Variants in RGS7 observed in about 807,000 individuals in gnomAD.
The protein encoded by RGS7 is regulator of G-protein signaling 7.
RGS7 carries 27 observed loss-of-function variants against 81.1 expected under a neutral mutation model. The ratio of observed to expected loss-of-function variants is 0.33; its 90% confidence interval spans 0.25 to 0.46. The LOEUF (loss-of-function observed/expected upper bound fraction) is 0.46. Ranked by LOEUF, RGS7 falls within the 20% of genes least tolerant of loss-of-function variation. The pLI, the probability that RGS7 is intolerant of heterozygous loss-of-function variation, is 1.00. For synonymous variants in RGS7, 208 were observed against 207.7 expected, an observed-to-expected ratio of 1.00 and a Z score of -0.01; for missense variants, 396 against 607.4, an observed-to-expected ratio of 0.65 and a Z score of 3.66.
chr1:241,235,713 T>C (rs533663408), intron 2 of RGS7, among the ~76,000 whole-genome samples: 153 of 151,580 alleles, frequency 1.0e-3, no homozygotes, highest in South Asian at 8.0e-3. Flanking sequence ...TCCTTCTCTC[T>C]CTCCCTTCCT....
At chr1:240,938,001 C>T (rs1254390254) in intron 4 of RGS7, among the ~76,000 whole-genome samples, 1 of 152,198 alleles carries the variant, frequency 6.6e-6, no homozygotes, top group Non-Finnish European at 1.5e-5. Flanking sequence ...ATAGTTATTA[C>T]TGCGTTTGTG....
At chr1:240,962,292 C>T (rs1445453785) in intron 4 of RGS7, among the ~76,000 whole-genome samples, 1 of 152,176 alleles carries the variant, frequency 6.6e-6, no homozygotes, top group Non-Finnish European at 1.5e-5. Context: ...GCTCTGTCTA[C>T]TCTGCTATCT....
At chr1:240,865,942 C>T (rs942504399) in intron 9 of RGS7, among the ~76,000 whole-genome samples, 1 of 152,168 alleles carries the variant, frequency 6.6e-6, no homozygotes, top group Non-Finnish European at 1.5e-5. Context: ...TCATCTTTGT[C>T]TATTAACTCA....
intron 2 of RGS7, among the ~76,000 whole-genome samples, chr1:241,341,570 GAAAGGAAGTAA>G (rs534917781): frequency 6.6e-6 from 1 of 151,796 alleles, no homozygotes; most frequent in East Asian, 1.9e-4. Context: ...AAGGAAGGAA[GAAAGGAAGTAA>G]AAAGGAAGGA....
intron 2 of RGS7, among the ~76,000 whole-genome samples, chr1:241,234,775 T>TCAGTACCTGGTGCTGTGCCAAACACATA (rs1371532258): frequency 6.6e-6 from 1 of 152,186 alleles, no homozygotes; most frequent in African/African-American, 2.4e-5. Context: ...TATTGCATCT[T>TCAGTACCTGGTGCTGTGCCAAACACATA]CAGTACCTGG....
chr1:240,780,257 G>C (rs528031896), intron 18 of RGS7, among the ~76,000 whole-genome samples: 1 of 152,012 alleles, frequency 6.6e-6, no homozygotes, highest in South Asian at 2.1e-4. Context: ...GACCAGCCTG[G>C]CCAACATGGT....
At position 241,098,769 on chromosome 1, in the gene RGS7, A is replaced by G. The variant is rs1388287336; in HGVS notation, c.79-7T>C. On this transcript the variant is annotated splice_region_variant and splice_polypyrimidine_tract_variant and intron_variant, in intron 2 of 18. Coordinates refer to ENST00000440928, the MANE Select transcript of RGS7 (RefSeq NM_001364886.1). ...GTGCTATGACGTCTTCCATCTAAAC[A>G]ATAATAACATAATTAAAACCTTTAT... 6.3e-7 allele frequency: 1 copy of G among 1,590,274 alleles called. No individual in the cohort carries two copies. The highest frequency in any genetic ancestry group is 2.2e-5 in the East Asian group (1 of 44,752).
At chr1:241,124,460 C>G (rs1485577528) in intron 2 of RGS7, among the ~76,000 whole-genome samples, 1 of 152,118 alleles carries the variant, frequency 6.6e-6, no homozygotes, top group Non-Finnish European at 1.5e-5. Context: ...TTCTATCAAG[C>G]TTTATAAAAG....
intron 2 of RGS7, among the ~76,000 whole-genome samples, chr1:241,133,502 AT>A (rs560597328): frequency 1.3e-5 from 2 of 151,938 alleles, no homozygotes; most frequent in Non-Finnish European, 2.9e-5. Context: ...AGCCACCATA[AT>A]TTTTTTTCTA....
At chr1:241,101,412 C>G (rs933441792) in intron 2 of RGS7, among the ~76,000 whole-genome samples, 1 of 152,136 alleles carries the variant, frequency 6.6e-6, no homozygotes, top group African/African-American at 2.4e-5. Context: ...AGGAGAATCA[C>G]CTGAACCCCA....
At chr1:241,310,921 C>T (rs2080490112) in intron 2 of RGS7, among the ~76,000 whole-genome samples, 1 of 152,202 alleles carries the variant, frequency 6.6e-6, no homozygotes, top group Non-Finnish European at 1.5e-5. Context: ...AAGAAATTAG[C>T]CAGGATCCTT....
rs111554191 is a variant in RGS7 at position 241,191,066 on chromosome 1, C to T, written c.79-92304G>A. 1.9e-3 allele frequency among the ~76,000 whole-genome samples: 296 copies of T among 152,178 alleles called. 2 individuals carry two copies. Among genetic ancestry groups the T allele is most frequent in the Middle Eastern group, 6.8e-3 (2 of 294 alleles). On this transcript the variant is annotated intron_variant, in intron 2 of 18. Transcript: ENST00000440928. ...GTGCGATCTTGGCTCACTGCAACCT[C>T]CGCCTCCTGGGTTTATGCCATTCTC...
intron 3 of RGS7, among the ~76,000 whole-genome samples, chr1:241,078,299 C>CTG (rs1281803360): frequency 1.6e-5 from 2 of 122,882 alleles, no homozygotes; most frequent in South Asian, 5.1e-4. Context: ...TGCTTCTGGT[C>CTG]TCTGTGTGTG....
At chr1:240,781,592 C>A (rs1007308815) in intron 18 of RGS7, among the ~76,000 whole-genome samples, 2 of 151,932 alleles carry the variant, frequency 1.3e-5, no homozygotes, top group African/African-American at 4.8e-5. Flanking sequence ...GGTGACAGAG[C>A]GAGACTCTGT....
At chr1:241,107,935 T>C (rs1379031439) in intron 2 of RGS7, among the ~76,000 whole-genome samples, 2 of 152,036 alleles carry the variant, frequency 1.3e-5, no homozygotes, top group Non-Finnish European at 2.9e-5. Context: ...TAAAGTTATA[T>C]AGCAGAAAAA....
intron 3 of RGS7, among the ~76,000 whole-genome samples, chr1:241,015,812 A>G (rs966622485): frequency 2.6e-5 from 4 of 152,218 alleles, no homozygotes; most frequent in African/African-American, 9.6e-5. Flanking sequence ...AATATAAGAT[A>G]ATATCTATTA....
intron 2 of RGS7, among the ~76,000 whole-genome samples, chr1:241,121,707 G>GCTCTTT (rs2066267303): frequency 4.8e-5 from 3 of 62,286 alleles, no homozygotes; most frequent in Non-Finnish European, 9.3e-5. Context: ...TGTTGCAATT[G>GCTCTTT]TTCTTTTTTT....
chr1:241,148,579 A>G (rs1434274675), intron 2 of RGS7, among the ~76,000 whole-genome samples: 2 of 152,356 alleles, frequency 1.3e-5, no homozygotes, highest in East Asian at 3.9e-4. Context: ...AATAATGATC[A>G]TAATGCTAAA....
intron 3 of RGS7, among the ~76,000 whole-genome samples, chr1:241,052,164 A>G (rs2061286072): frequency 1.3e-5 from 2 of 152,198 alleles, no homozygotes; most frequent in African/African-American, 4.8e-5. Context: ...GGATACAAAT[A>G]TAAGTAACAA....
Sources: gnomAD v4.1 joint callset for allele counts (sites outside exome capture counted in the v4.1 genomes callset) on GRCh38, gnomAD v4.1.1 for gene constraint, MANE v1.5 for transcripts, NCBI Gene and HGNC (gene_info 2026-07-23, HGNC 2026-07-21) for gene names.